EPHA8: variants seen among roughly 807,000 people sequenced by gnomAD.
The protein encoded by EPHA8 is ephrin type-A receptor 8.
EPHA8 carries 58 observed loss-of-function variants against 103.6 expected under a neutral mutation model. The observed-to-expected ratio is 0.56, with a 90% CI of 0.45 to 0.70. EPHA8 has a LOEUF of 0.70. EPHA8 is among the 30% of genes least tolerant of loss of function. EPHA8 has a pLI of 0.00. For synonymous variants in EPHA8, 559 were observed against 572.5 expected (o/e 0.98, Z 0.34); for missense variants, 1,304 against 1,395.2 (o/e 0.93, Z 1.04).
intron 1 of EPHA8, among the ~76,000 whole-genome samples, chr1:22,565,100 C>A (rs1370705237): frequency 1.3e-5 from 2 of 152,184 alleles, no homozygotes; most frequent in African/African-American, 4.8e-5. Flanking sequence ...TGCATGAGCA[C>A]AAACACACAT....
intron 3 of EPHA8, among the ~76,000 whole-genome samples, chr1:22,582,943 A>G (rs1342398136): frequency 6.6e-6 from 1 of 152,256 alleles, no homozygotes; most frequent in Non-Finnish European, 1.5e-5. Flanking sequence ...AGGAACAGTG[A>G]GCTCTTTTGC....
Position 22,601,440 on chromosome 1 carries a change from CCT to C in EPHA8, c.2875_2876del (p.Leu959GlyfsTer70), listed in dbSNP as rs777163373. 5.6e-6 allele frequency: 9 copies of C among 1,610,416 alleles called. No homozygotes were observed. In the South Asian group the frequency reaches 9.9e-5, roughly 18 times the overall value. On this transcript the variant is annotated frameshift_variant, in exon 16 of 17. Coordinates refer to ENST00000166244, the MANE Select transcript of EPHA8 (RefSeq NM_020526.5). LOFTEE classifies it high-confidence loss of function. ...GACCACTTCGCTGCGGGCGGATACT[CCT>C]CTCTGGGCATGGTGCTACGCATGAA...
intron 8 of EPHA8, 44 bp from the exon 9 acceptor site, chr1:22,596,062 T>TA: frequency 6.2e-7 from 1 of 1,601,160 alleles, no homozygotes; most frequent in Non-Finnish European, 8.6e-7. Flanking sequence ...GGTCCCGGGC[T>TA]AGGGGTGGCC....
chr1:22,589,305 G>A lies in EPHA8; in HGVS notation c.1315+99G>A. 1.2e-6 allele frequency: 2 copies of A among 1,612,088 alleles called. No homozygotes were observed. Among genetic ancestry groups the A allele is most frequent in the Non-Finnish European group, 1.7e-6 (2 of 1,179,576 alleles). ...GAGCTCTGCCGGGGACGTGCTGTGG[G>A]CCTTTAGGCAAGTGCCTCTCTGGCC... is the stretch of plus-strand genomic sequence containing the variant. On this transcript the variant is annotated intron_variant, in intron 5 of 16. Transcript: ENST00000166244. This position sits in a 1 kb window ranked among gnomAD's most constrained non-coding sequence, Gnocchi z 4.3.
Position 22,576,650 on chromosome 1 carries a change from G to T in EPHA8, c.593G>T (p.Arg198Leu). 1 of 1,613,758 alleles carries T rather than the reference G, an allele frequency of 6.2e-7. No individual in the cohort carries two copies. The highest frequency in any genetic ancestry group is 8.5e-7 in the Non-Finnish European group (1 of 1,180,034). ...GCCTGCCTGGCCATCCTCTCTCTCC[G>T]CATCTACTATAAGAAGTGCCCTGCC... Reference protein sequence around the residue: ...IGACLAILSLRIYYKKCPAMV... With the variant: ...IGACLAILSLLIYYKKCPAMV... Residue 198 changes from arginine (R) to leucine (L), a missense_variant, in exon 3 of 17, where the codon CGC becomes CTC. Physicochemically the swap from Arg to Leu is moderately radical, Grantham distance 102 (BLOSUM62 -2). Transcript: ENST00000166244. The surrounding 1 kb of genome is among the most constrained non-coding windows in gnomAD (Gnocchi z 4.8).
At chr1:22,582,503 T>C (rs555562448) in intron 3 of EPHA8, among the ~76,000 whole-genome samples, 1 of 147,426 alleles carries the variant, frequency 6.8e-6, no homozygotes, top group East Asian at 2.0e-4. Flanking sequence ...TTAGAGGCCT[T>C]GCTTAGATTG....
chr1:22,599,640 A>C (rs1449955258), intron 13 of EPHA8, among the ~76,000 whole-genome samples: 1 of 65,500 alleles, frequency 1.5e-5, no homozygotes, highest in Non-Finnish European at 2.6e-5. Flanking sequence ...GAAGGAAGGG[A>C]GGGAGGGAAG....
In EPHA8 at chr1:22,576,837, C is replaced by A; in HGVS notation, c.780C>A (p.Cys260Ter). ...EGEWLVPIGK[C>*]VCSAGYEERR... ...AGTGGCTCGTGCCCATCGGCAAATG[C>A]GTGTGCAGTGCCGGCTACGAGGAGC... Residue 260 changes from cysteine to a stop codon, truncating the protein, a stop_gained, in exon 3 of 17, where the codon TGC becomes TGA. Coordinates refer to ENST00000166244, the MANE Select transcript of EPHA8 (RefSeq NM_020526.5). LOFTEE classifies it high-confidence loss of function. The surrounding 1 kb of genome is among the most constrained non-coding windows in gnomAD (Gnocchi z 4.8). 1 of 1,608,188 alleles carries A rather than the reference C, an allele frequency of 6.2e-7. No homozygotes were observed. The highest frequency in any genetic ancestry group is 8.5e-7 in the Non-Finnish European group (1 of 1,176,988).
At chr1:22,573,777 T>C (rs1640607924) in intron 2 of EPHA8, among the ~76,000 whole-genome samples, 1 of 152,088 alleles carries the variant, frequency 6.6e-6, no homozygotes, top group South Asian at 2.1e-4. Context: ...GACTGTCCCC[T>C]CCCCTGTCTT....
intron 5 of EPHA8, among the ~76,000 whole-genome samples, chr1:22,590,629 C>T (rs1402130940): frequency 6.6e-6 from 1 of 152,102 alleles, no homozygotes; most frequent in South Asian, 2.1e-4. Flanking sequence ...TCTTTGTAGC[C>T]CCACCTCCTT....
chr1:22,598,174 G>A lies in EPHA8; in HGVS notation c.2140G>A (p.Glu714Lys). 4 of 1,613,438 alleles carry A rather than the reference G, an allele frequency of 2.5e-6. No homozygotes were observed. Among genetic ancestry groups the A allele is most frequent in the Non-Finnish European group, 3.4e-6 (4 of 1,179,956 alleles). The change falls in exon 12 of 17, where the codon GAG becomes AAG. Residue 714 changes from glutamate to lysine, a missense_variant. Transcript: ENST00000166244. This position sits in a 1 kb window ranked among gnomAD's most constrained non-coding sequence, Gnocchi z 5.1. ...AGGCCGCCTGGCAATGATTGTGACTGAGTACATGGAGAACGGCTCTCTGGA... is the reference window on the plus strand; with the variant it reads ...AGGCCGCCTGGCAATGATTGTGACTAAGTACATGGAGAACGGCTCTCTGGA... ...TRGRLAMIVTEYMENGSLDTF... is the reference protein window; with the variant it reads ...TRGRLAMIVTKYMENGSLDTF...
intron 9 of EPHA8, 93 bp downstream of exon 9, chr1:22,596,266 G>A (rs2148263973): frequency 1.5e-6 from 2 of 1,307,530 alleles, no homozygotes; most frequent in East Asian, 2.4e-5. Flanking sequence ...AAGGAGGAAG[G>A]TGCCCAGTGA....
rs1365039628 is a variant in EPHA8, at chr1:22,563,828, C to G, written c.94+99C>G. On this transcript the variant is annotated intron_variant, in intron 1 of 16. Transcript: ENST00000166244. The surrounding 1 kb of genome is among the most constrained non-coding windows in gnomAD (Gnocchi z 4.4). ...ACTTCCTTTGCATGGACCCTGAGCT[C>G]CAAGGCGGCCGGGATCCCTCGGCCC... The G allele has an allele frequency of 6.6e-6, 1 of 152,584 alleles. No individual in the cohort carries two copies. Among genetic ancestry groups the G allele is most frequent in the African/African-American group, 2.4e-5 (1 of 41,350 alleles). 9.5% of individuals were successfully genotyped at this position (152,584 alleles called of 1,614,324 possible).
intron 2 of EPHA8, among the ~76,000 whole-genome samples, chr1:22,572,624 G>A (rs991168019): frequency 3.9e-5 from 6 of 152,210 alleles, no homozygotes; most frequent in African/African-American, 7.2e-5. Context: ...TTCTCACCAC[G>A]CCCTGGAGTA....
At chr1:22,593,475 A>C in intron 6 of EPHA8, 25 bp downstream of exon 6, 5 of 1,609,690 alleles carry the variant, frequency 3.1e-6, no homozygotes, top group Non-Finnish European at 8.5e-7. Context: ...ACGGAGTGGG[A>C]GGGGCTGGGC....
intron 3 of EPHA8, among the ~76,000 whole-genome samples, chr1:22,578,382 ATG>A (rs1352208614): frequency 6.2e-5 from 7 of 112,750 alleles, no homozygotes; most frequent in African/African-American, 2.3e-4. Context: ...GCTTTAGTAT[ATG>A]TATGCATGTC....
chr1:22,573,088 G>A (rs1286343695), intron 2 of EPHA8, among the ~76,000 whole-genome samples: 7 of 152,218 alleles, frequency 4.6e-5, no homozygotes, highest in Admixed American at 2.6e-4. Flanking sequence ...ATGTGACGCT[G>A]TGCTGCTTGG....
chr1:22,591,797 C>T (rs112025698), intron 5 of EPHA8, among the ~76,000 whole-genome samples: 3,463 of 152,268 alleles, frequency 0.023, 141 homozygotes, highest in African/African-American at 0.08. Flanking sequence ...CACTCTTCCC[C>T]TGACATTCCT....
chr1:22,594,156 A>G (rs1001348496), intron 7 of EPHA8, among the ~76,000 whole-genome samples: 1 of 152,132 alleles, frequency 6.6e-6, no homozygotes, highest in African/African-American at 2.4e-5. Context: ...TTTAATAGAA[A>G]TGGGGTTTCA....
Sources: gnomAD v4.1 joint callset for allele counts (sites outside exome capture counted in the v4.1 genomes callset) on GRCh38, gnomAD v4.1.1 for gene constraint, Gnocchi (gnomAD v3.1) non-coding constraint, MANE v1.5 for transcripts, NCBI Gene and HGNC (gene_info 2026-07-23, HGNC 2026-07-21) for gene names.